Variants in EMG1 observed in about 807,000 individuals in gnomAD.
EMG1 encodes the protein ribosomal RNA small subunit methyltransferase NEP1.
A neutral mutation model predicts 26.9 loss-of-function variants in EMG1; 24 were observed. The ratio of observed to expected loss-of-function variants is 0.89; its 90% CI spans 0.65 to 1.26. The LOEUF (loss-of-function observed/expected upper bound fraction) is 1.26, where lower values mean the gene tolerates loss of function less well. EMG1 is among the 50% of genes most tolerant of loss of function. The pLI, the probability that EMG1 is intolerant of heterozygous loss-of-function variation, is 0.00. For synonymous variants in EMG1, 140 were observed against 112.6 expected (o/e 1.24, Z -1.54); for missense variants, 299 against 307.6 (o/e 0.97, Z 0.21).
At chr12:6,986,386 G>T (rs1036966206) in intron 6 of EMG1, among the ~76,000 whole-genome samples, 1 of 152,060 alleles carries the variant, frequency 6.6e-6, no homozygotes, top group African/African-American at 2.4e-5. Context: ...TTACTTTATG[G>T]TAAGAAATAC....
chr12:6,980,050 T>A (rs1946454497), downstream of EMG1: 1 of 153,892 alleles, frequency 6.5e-6, no homozygotes, highest in African/African-American at 2.4e-5. Flanking sequence ...TTTACCATTT[T>A]AATTTTTATT....
chr12:6,994,063 C>CT (rs1263014789), intron 7 of EMG1, among the ~76,000 whole-genome samples: 19 of 152,352 alleles, frequency 1.2e-4, no homozygotes, highest in African/African-American at 4.3e-4. Context: ...TCTTGAACTC[C>CT]TGGCCTCAAA....
At chr12:6,982,553 C>T, downstream of EMG1, 1 of 690,482 alleles carries the variant, frequency 1.4e-6, no homozygotes, top group South Asian at 1.8e-5. Flanking sequence ...AGTCATACTG[C>T]TAAGTGCTGG....
rs1241359217 is a variant in EMG1 at position 6,971,599 on chromosome 12, C to G, written c.168+508C>G. On this transcript the variant is annotated intron_variant, in intron 1 of 5. Transcript: ENST00000599672. ...CCGGTAGTACTCATTTTCTTTTGCTCTTTTTGAATGATATTCTAGCCCTCA... is the reference window on the plus strand; with the variant it reads ...CCGGTAGTACTCATTTTCTTTTGCTGTTTTTGAATGATATTCTAGCCCTCA... Among the ~76,000 whole-genome samples the G allele has an allele frequency of 4.6e-5, 7 of 152,248 alleles. 1 individual carries two copies. The highest frequency in any genetic ancestry group is 2.9e-5 in the Non-Finnish European group (2 of 68,016).
chr12:6,995,305 C>G (rs2138347538), intron 7 of EMG1, among the ~76,000 whole-genome samples: 1 of 152,134 alleles, frequency 6.6e-6, no homozygotes, highest in African/African-American at 2.4e-5. Context: ...GAAACCCCAT[C>G]TCTACTAAAA....
chr12:6,983,007 C>T (rs1025813186), downstream of EMG1: 4 of 602,920 alleles, frequency 6.6e-6, no homozygotes, highest in Non-Finnish European at 1.2e-5. Flanking sequence ...TTTAGAGATG[C>T]GACTTGCTCT....
downstream of EMG1, chr12:6,982,657 C>G: frequency 6.3e-7 from 1 of 1,577,458 alleles, no homozygotes; most frequent in Non-Finnish European, 8.7e-7. Flanking sequence ...GCCTGAGCTG[C>G]TAAGGGAAAG....
downstream of EMG1, among the ~76,000 whole-genome samples, chr12:6,992,766 G>A (rs1279511870): frequency 6.6e-6 from 1 of 151,986 alleles, no homozygotes; most frequent in African/African-American, 2.4e-5. Context: ...CATTGGTTTT[G>A]AATACAGTTA....
chr12:6,984,677 C>T (rs1308454777), downstream of EMG1, among the ~76,000 whole-genome samples: 3 of 152,192 alleles, frequency 2.0e-5, no homozygotes, highest in Non-Finnish European at 2.9e-5. Flanking sequence ...GCCTTGACCT[C>T]CTGGGCTCAA....
chr12:6,981,705 A>G, downstream of EMG1: 3 of 892,582 alleles, frequency 3.4e-6, no homozygotes, highest in Admixed American at 2.0e-5. Flanking sequence ...GACTGAGTGC[A>G]GCCAGAAGTG....
Position 6,974,330 on chromosome 12 carries a change from G to C in EMG1, c.169-9G>C. Reference sequence around the variant, plus strand: ...ATGCTGTTCTCTCGTCATGTTCCCTGTTCTTCAGGTAGGGAAGACATATGA... The same window carrying C: ...ATGCTGTTCTCTCGTCATGTTCCCTCTTCTTCAGGTAGGGAAGACATATGA... On this transcript the variant is annotated splice_polypyrimidine_tract_variant and intron_variant, in intron 1 of 5. Coordinates refer to ENST00000599672, the MANE Select transcript of EMG1 (RefSeq NM_006331.8). The C allele has an allele frequency of 2.5e-6, 4 of 1,597,922 alleles. No individual in the cohort carries two copies. The highest frequency in any genetic ancestry group is 2.6e-6 in the Non-Finnish European group (3 of 1,166,926).
At chr12:6,986,893 C>T (rs1946532597) in intron 6 of EMG1, among the ~76,000 whole-genome samples, 1 of 151,260 alleles carries the variant, frequency 6.6e-6, no homozygotes, top group East Asian at 1.9e-4. Context: ...GCGGGTGGGT[C>T]GCCTGAGATC....
Position 6,977,482 on chromosome 12 carries a change from G to A in EMG1, c.*1673G>A. ...GAAGGGCTGGAGGACAGTAATGGCG[G>A]CCAGCTTGCTCAGGGTGGGGCTCTC... On this transcript the variant is annotated 3_prime_UTR_variant, in exon 6 of 6. Coordinates refer to ENST00000599672, the MANE Select transcript of EMG1 (RefSeq NM_006331.8). This position sits in a 1 kb window ranked among gnomAD's most constrained non-coding sequence, Gnocchi z 4.5. 1 of 1,614,210 alleles carries A rather than the reference G, an allele frequency of 6.2e-7. No individual in the cohort carries two copies. The highest frequency in any genetic ancestry group is 1.1e-5 in the South Asian group (1 of 91,084).
downstream of EMG1, among the ~76,000 whole-genome samples, chr12:6,993,162 G>A (rs777057353): frequency 2.0e-5 from 3 of 151,998 alleles, no homozygotes; most frequent in East Asian, 1.9e-4. Flanking sequence ...GGTTGTCGCC[G>A]GGCATGGTGG....
rs1946389136 is a variant in EMG1, at chr12:6,975,728, C to T, written c.654C>T (p.Ser218=). The T allele has an allele frequency of 6.2e-7, 1 of 1,612,984 alleles. No individual in the cohort carries two copies. Among genetic ancestry groups the T allele is most frequent in the African/African-American group, 1.3e-5 (1 of 74,906 alleles). The change falls in exon 6 of 6, where the codon TCC becomes TCT. Residue 218 remains serine, a synonymous_variant. Transcript: ENST00000599672. The part of the protein sequence containing the change: ...VSVEYTEKMV[S]ISNYPLSAAL... ...TGGAGTATACAGAGAAGATGGTGTCCATCAGTAACTACCCCCTTTCTGCTG... is the reference window on the plus strand; with the variant it reads ...TGGAGTATACAGAGAAGATGGTGTCTATCAGTAACTACCCCCTTTCTGCTG...
Position 6,987,399 on chromosome 12 carries a change from A to G in EMG1, c.*155-383A>G, listed in dbSNP as rs1467232037. On this transcript the variant is annotated intron_variant and NMD_transcript_variant, in intron 6 of 7. Transcript: ENST00000261406. The surrounding 1 kb of genome is among the most constrained non-coding windows in gnomAD (Gnocchi z 4.1). The stretch of plus-strand genomic sequence containing the variant: ...TAGCTCTAGGGAGGTGGAGACATCT[A>G]TGACCCTTTCAGGTAGATCAATGAG... 1.3e-5 allele frequency among the ~76,000 whole-genome samples: 2 copies of G among 152,254 alleles called. No individual in the cohort carries two copies. The highest frequency in any genetic ancestry group is 1.5e-5 in the Non-Finnish European group (1 of 68,052).
intron 7 of EMG1, among the ~76,000 whole-genome samples, chr12:6,995,429 G>A (rs1422216700): frequency 6.6e-6 from 1 of 150,516 alleles, no homozygotes; most frequent in African/African-American, 2.4e-5. Flanking sequence ...AGCTGAGATC[G>A]TCTCACTGTA....
At chr12:6,985,771 GT>G (rs1220627223) in intron 6 of EMG1, among the ~76,000 whole-genome samples, 183 of 135,628 alleles carry the variant, frequency 1.3e-3, no homozygotes, top group Middle Eastern at 3.8e-3. Flanking sequence ...ATCAACTGGT[GT>G]TTTTTTTTTT....
At chr12:6,993,324 C>G (rs1261180751) in intron 7 of EMG1, among the ~76,000 whole-genome samples, 1 of 151,974 alleles carries the variant, frequency 6.6e-6, no homozygotes, top group Non-Finnish European at 1.5e-5. Context: ...GTCCCAGCTA[C>G]TCAGGAGGCT....
Sources: gnomAD v4.1 joint callset for allele counts (sites outside exome capture counted in the v4.1 genomes callset) on GRCh38, gnomAD v4.1.1 for gene constraint, Gnocchi (gnomAD v3.1) non-coding constraint, MANE v1.5 for transcripts, NCBI Gene and HGNC (gene_info 2026-07-23, HGNC 2026-07-21) for gene names.